The following ITGB2 variants were observed in gnomAD, a reference collection of about 807,000 sequenced individuals.
ITGB2 encodes integrin subunit beta 2.
Under a neutral mutation model 86.8 loss-of-function variants are expected in ITGB2, and 56 were observed. The ratio of observed to expected loss-of-function variants is 0.65; its 90% CI spans 0.52 to 0.81. ITGB2 has a LOEUF of 0.81. ITGB2 is among the 30% of genes least tolerant of loss of function. The pLI is 0.00. For synonymous variants in ITGB2, 457 were observed against 450.4 expected, an observed-to-expected ratio of 1.01 and a Z score of -0.19; for missense variants, 948 against 1,061.2, an observed-to-expected ratio of 0.89 and a Z score of 1.48.
chr21:44,917,905 G>A (rs2084235151), intron 1 of ITGB2, among the ~76,000 whole-genome samples: 1 of 152,232 alleles, frequency 6.6e-6, no homozygotes, highest in Non-Finnish European at 1.5e-5. Flanking sequence ...GGGGTGGGCA[G>A]GGGCCTCAGC....
At chr21:44,924,823 C>T (rs1050085088), upstream of ITGB2, among the ~76,000 whole-genome samples, 3 of 152,080 alleles carry the variant, frequency 2.0e-5, no homozygotes, top group Admixed American at 6.6e-5. Flanking sequence ...CCCACAGATC[C>T]GTAACACTGA....
At chr21:44,902,084 G>A (rs2083968453) in intron 5 of ITGB2, among the ~76,000 whole-genome samples, 2 of 152,248 alleles carry the variant, frequency 1.3e-5, no homozygotes, top group Admixed American at 6.5e-5. Flanking sequence ...ACATGAGTGT[G>A]TACATGCGTA....
At chr21:44,915,545 A>G (rs1568906466) in intron 1 of ITGB2, among the ~76,000 whole-genome samples, 1 of 152,236 alleles carries the variant, frequency 6.6e-6, no homozygotes, top group Non-Finnish European at 1.5e-5. Context: ...AAGGAAGAGG[A>G]CATGGGAGCC....
chr21:44,919,265 G>A (rs560293095), intron 1 of ITGB2, among the ~76,000 whole-genome samples: 10 of 152,306 alleles, frequency 6.6e-5, no homozygotes, highest in South Asian at 2.1e-4. Context: ...GGGCTCAGCC[G>A]CCGCCCTGCA....
At chr21:44,894,948 G>T in intron 9 of ITGB2, 23 bp downstream of exon 9, 1 of 1,516,986 alleles carries the variant, frequency 6.6e-7, no homozygotes, top group Non-Finnish European at 9.2e-7. Context: ...ATGGGTCCCA[G>T]CTGAGTGGTG....
Position 44,893,405 on chromosome 21 carries a change from G to A in ITGB2, c.1223C>T (p.Pro408Leu), listed in dbSNP as rs763860990. ...GGGGACCCTTGTGGCCAGGCTCACC[G>A]GGACATTGATCTGCACGCCATCACA... ...GDCDGVQINVPITFQVKVTAT... is the reference protein window; with the variant it reads ...GDCDGVQINVLITFQVKVTAT... The change falls in exon 10 of 16, where the codon CCG (proline) becomes CTG (leucine). Residue 408 changes from proline (P) to leucine (L), a missense_variant and splice_region_variant. Coordinates refer to ENST00000652462, the MANE Select transcript of ITGB2 (RefSeq NM_000211.5). 35 of 1,613,680 alleles carry A rather than the reference G, an allele frequency of 2.2e-5. 1 individual carries two copies. The highest frequency in any genetic ancestry group is 6.6e-5 in the South Asian group (6 of 91,060).
intron 8 of ITGB2, among the ~76,000 whole-genome samples, chr21:44,897,405 G>A (rs989499904): frequency 6.6e-6 from 1 of 152,184 alleles, no homozygotes; most frequent in African/African-American, 2.4e-5. Flanking sequence ...GGGGGAAGAG[G>A]GGGCCCTGGT....
At position 44,903,528 on chromosome 21, in the gene ITGB2, T is replaced by G; in HGVS notation, c.336A>C (p.Ala112=). 6.2e-7 allele frequency: 1 copy of G among 1,613,964 alleles called. No homozygotes were observed. The highest frequency in any genetic ancestry group is 8.5e-7 in the Non-Finnish European group (1 of 1,179,952). ...KVTLYLRPGQ[A]AAFNVTFRRA... is the part of the protein sequence containing the mutation. Reference sequence around the variant, plus strand: ...GCCGGAAGGTCACGTTGAACGCTGCTGCCTGGCCTGCCGGTGGGGACAGAA... The same window carrying G: ...GCCGGAAGGTCACGTTGAACGCTGCGGCCTGGCCTGCCGGTGGGGACAGAA... The change falls in exon 5 of 16, where the codon GCA becomes GCC. Residue 112 remains alanine, a synonymous_variant. Transcript: ENST00000652462.
At chr21:44,926,630 G>A (rs1386057586) in intron 1 of ITGB2, among the ~76,000 whole-genome samples, 2 of 152,340 alleles carry the variant, frequency 1.3e-5, no homozygotes, top group African/African-American at 2.4e-5. Flanking sequence ...TCAGGTGGGC[G>A]AAACTGGCCG....
intron 9 of ITGB2, chr21:44,894,692 G>C: frequency 2.1e-6 from 1 of 480,504 alleles, no homozygotes; most frequent in Non-Finnish European, 3.8e-6. Context: ...CTTCTCCATA[G>C]AGACCCGCAG....
At chr21:44,910,567 C>A (rs997757864) in intron 2 of ITGB2, 158 bp downstream of exon 2, 1 of 1,376,582 alleles carries the variant, frequency 7.3e-7, no homozygotes, top group Non-Finnish European at 1.0e-6. Flanking sequence ...CCTCCTGGCA[C>A]GTGCGGAGAC....
At chr21:44,908,515 G>A (rs1568900143) in intron 3 of ITGB2, among the ~76,000 whole-genome samples, 1 of 152,124 alleles carries the variant, frequency 6.6e-6, no homozygotes, top group Non-Finnish European at 1.5e-5. Context: ...GCTGATGCAT[G>A]TAACCCCCAG....
At chr21:44,916,843 G>C (rs1442303637) in intron 1 of ITGB2, among the ~76,000 whole-genome samples, 1 of 150,978 alleles carries the variant, frequency 6.6e-6, no homozygotes, top group African/African-American at 2.4e-5. Context: ...ACTCCAGCCT[G>C]GGCAACAAGA....
intron 8 of ITGB2, among the ~76,000 whole-genome samples, chr21:44,898,185 G>A (rs774100887): frequency 1.3e-5 from 2 of 152,128 alleles, no homozygotes; most frequent in African/African-American, 4.8e-5. Context: ...TGTCAGCCGC[G>A]CCGCTGTGAC....
chr21:44,897,769 GGCA>G (rs2083890908), intron 8 of ITGB2, among the ~76,000 whole-genome samples: 1 of 152,206 alleles, frequency 6.6e-6, no homozygotes, highest in South Asian at 2.1e-4. Flanking sequence ...TGAAGAACGG[GGCA>G]CGTGGCTGTG....
At chr21:44,899,314 G>A (rs375016560) in intron 7 of ITGB2, 152 bp from the exon 8 acceptor site, 17 of 685,108 alleles carry the variant, frequency 2.5e-5, no homozygotes, top group South Asian at 1.1e-4. Context: ...ACGCAGGAGT[G>A]CAGGGCAGAG....
At chr21:44,923,096 C>T (rs2084329822), upstream of ITGB2, 1 of 152,106 alleles carries the variant, frequency 6.6e-6, no homozygotes, top group African/African-American at 2.4e-5. Flanking sequence ...ATAGAAAGAA[C>T]AAATGTTACT....
chr21:44,888,974 T>C, intron 13 of ITGB2, 79 bp from the exon 14 acceptor site: 114 of 982,564 alleles, frequency 1.2e-4, no homozygotes, highest in Non-Finnish European at 1.4e-4. Context: ...TGGGTGTGTG[T>C]CCACCAGGGG....
At chr21:44,901,273 A>G (rs2146526307) in intron 6 of ITGB2, among the ~76,000 whole-genome samples, 1 of 152,330 alleles carries the variant, frequency 6.6e-6, no homozygotes, top group Admixed American at 6.5e-5. Flanking sequence ...GCAAACAATG[A>G]AATCAGCGCA....
Sources: gnomAD v4.1 joint callset for allele counts (sites outside exome capture counted in the v4.1 genomes callset) on GRCh38, gnomAD v4.1.1 for gene constraint, MANE v1.5 for transcripts, NCBI Gene and HGNC (gene_info 2026-07-23, HGNC 2026-07-21) for gene names.